UNKL: variants seen among roughly 807,000 people sequenced by gnomAD.
UNKL encodes putative E3 ubiquitin-protein ligase UNKL.
UNKL carries 60 observed loss-of-function variants against 78.0 expected under a neutral mutation model. The observed-to-expected ratio is 0.77, with a 90% CI of 0.63 to 0.95. UNKL has a LOEUF of 0.95. Ranked by LOEUF, UNKL falls within the 40% of genes least tolerant of loss-of-function variation. UNKL has a pLI of 0.00. For synonymous variants in UNKL, 608 were observed against 474.8 expected (o/e 1.28, Z -3.65); for missense variants, 1,159 against 1,045.7 (o/e 1.11, Z -1.49).
chr16:1,385,365 T>A lies in UNKL; in HGVS notation c.1107A>T (p.Ala369=). ...CGCTGGGGGCCGGCGGGTGGACCGCTGCAAACACGGCCAGGTGGTTCTGTT... is the reference window on the plus strand; with the variant it reads ...CGCTGGGGGCCGGCGGGTGGACCGCAGCAAACACGGCCAGGTGGTTCTGTT... The part of the protein sequence containing the change: ...DSKQNHLAVF[A]AVHPPAPSVS... The change falls in exon 10 of 15, where the codon GCA becomes GCT. Residue 369 remains alanine (A), a synonymous_variant. Transcript: ENST00000389221. 7.1e-7 allele frequency: 1 copy of A among 1,408,440 alleles called. No individual in the cohort carries two copies. The highest frequency in any genetic ancestry group is 9.2e-7 in the Non-Finnish European group (1 of 1,084,104). The allele number at this position is 1,408,440 out of a possible 1,614,324, so 87.2% of individuals were successfully genotyped here.
At chr16:1,404,355 C>T (rs1485020585) in intron 2 of UNKL, among the ~76,000 whole-genome samples, 7 of 152,234 alleles carry the variant, frequency 4.6e-5, no homozygotes, top group Admixed American at 4.6e-4. Context: ...GAGCTCCAGC[C>T]AGGGATGGCT....
Position 1,413,956 on chromosome 16 carries a change from G to A in UNKL, c.177C>T (p.Asn59=), listed in dbSNP as rs2038164804. The change falls in exon 2 of 15, where the codon AAC becomes AAT. Residue 59 remains asparagine, a synonymous_variant. Transcript: ENST00000389221. ...PFTCFHWHFL[N]QRRRRPLRRR... is the part of the protein sequence containing the mutation. The stretch of plus-strand genomic sequence containing the variant: ...TGCGGAGGGGCCTGCGGCGCCGCTG[G>A]TTGAGGAAGTGCCAGTGGAAGCAGG... 1.3e-6 allele frequency: 2 copies of A among 1,552,694 alleles called. No homozygotes were observed. Among genetic ancestry groups the A allele is most frequent in the South Asian group, 1.2e-5 (1 of 84,252 alleles).
chr16:1,367,300 C>G lies in UNKL; in HGVS notation c.1838G>C (p.Arg613Pro). 1 of 1,556,720 alleles carries G rather than the reference C, an allele frequency of 6.4e-7. No homozygotes were observed. The highest frequency in any genetic ancestry group is 8.7e-7 in the Non-Finnish European group (1 of 1,155,356). The change falls in exon 14 of 15, where the codon CGT becomes CCT. Residue 613 changes from arginine to proline, a missense_variant. Coordinates refer to ENST00000389221, the MANE Select transcript of UNKL (RefSeq NM_001372107.1). The stretch of plus-strand genomic sequence containing the variant: ...CAGCTGCCGGTCGCTATCGGCCACA[C>G]GGGCACGCTCCTTGGCCTCCTGCGC... ...REAQEAKERA[R>P]VADSDRQLAL...
intron 10 of UNKL, among the ~76,000 whole-genome samples, chr16:1,374,482 C>T (rs946775002): frequency 8.5e-5 from 13 of 152,260 alleles, no homozygotes; most frequent in East Asian, 1.9e-4. Flanking sequence ...CCCAGGCAAC[C>T]GCACCCCGGG....
At chr16:1,374,521 C>T (rs994547624) in intron 10 of UNKL, among the ~76,000 whole-genome samples, 13 of 152,264 alleles carry the variant, frequency 8.5e-5, no homozygotes, top group Admixed American at 2.0e-4. Flanking sequence ...CCGTGGGGGT[C>T]GGCGCGCCGG....
At chr16:1,405,284 AAAGG>A (rs1040698191) in intron 2 of UNKL, among the ~76,000 whole-genome samples, 9 of 146,458 alleles carry the variant, frequency 6.1e-5, no homozygotes, top group African/African-American at 2.4e-4. Context: ...AGGGAGGGAG[AAAGG>A]AAGGAAGGCA....
intron 2 of UNKL, chr16:1,405,965 T>C (rs1463384265): frequency 4.4e-6 from 2 of 456,702 alleles, no homozygotes; most frequent in East Asian, 7.0e-5. Context: ...GCGAGCCACA[T>C]GCATCAAAAT....
intron 9 of UNKL, among the ~76,000 whole-genome samples, chr16:1,388,554 C>A (rs910194209): frequency 1.3e-5 from 2 of 152,148 alleles, no homozygotes; most frequent in Non-Finnish European, 2.9e-5. Flanking sequence ...GATGCGCACA[C>A]TGTGACTTCA....
chr16:1,414,486 G>GC (rs1367512320), intron 1 of UNKL, 129 bp downstream of exon 1: 11 of 189,206 alleles, frequency 5.8e-5, no homozygotes, highest in Admixed American at 2.6e-4. Flanking sequence ...GAGGGTCGTG[G>GC]CCCCCCCAGC....
At chr16:1,396,358 G>A (rs182531843) in intron 6 of UNKL, among the ~76,000 whole-genome samples, 27 of 149,946 alleles carry the variant, frequency 1.8e-4, no homozygotes, top group African/African-American at 3.4e-4. Flanking sequence ...GGGTTCAAGC[G>A]ATCCTCACGT....
intron 2 of UNKL, among the ~76,000 whole-genome samples, chr16:1,409,484 CA>C (rs1025042333): frequency 2.4e-4 from 36 of 152,260 alleles, no homozygotes; most frequent in African/African-American, 8.4e-4. Flanking sequence ...ACGCTACAAA[CA>C]AAATCTTAAA....
intron 12 of UNKL, among the ~76,000 whole-genome samples, chr16:1,369,172 C>A (rs913462187): frequency 6.9e-6 from 1 of 144,166 alleles, no homozygotes; most frequent in Non-Finnish European, 1.5e-5. Context: ...CGGGTTCAAG[C>A]GATTCTCCTG....
chr16:1,366,978 C>A, intron 14 of UNKL, 114 bp downstream of exon 14: 1 of 1,428,944 alleles, frequency 7.0e-7, no homozygotes, highest in Non-Finnish European at 9.1e-7. Flanking sequence ...AGGCCCGGAG[C>A]AGACCCTGGG....
At position 1,399,086 on chromosome 16, in the gene UNKL, TG is replaced by T; in HGVS notation, c.734+287del. 1 of 1,298,056 alleles carries T rather than the reference TG, an allele frequency of 7.7e-7. No individual in the cohort carries two copies. Among genetic ancestry groups the T allele is most frequent in the Non-Finnish European group, 1.0e-6 (1 of 974,938 alleles). The allele number at this position is 1,298,056 out of a possible 1,614,324, so 80.4% of individuals were successfully genotyped here. ...GGCACACGGGGGTCCCAGCTGGGCT[TG>T]GGGTCCCTCCTGCAGTGCTCCGTCC... On this transcript the variant is annotated intron_variant, in intron 5 of 14. Coordinates refer to ENST00000389221, the MANE Select transcript of UNKL (RefSeq NM_001372107.1). This position sits in a 1 kb window ranked among gnomAD's most constrained non-coding sequence, Gnocchi z 5.8.
chr16:1,404,368 G>T (rs1466352490), intron 2 of UNKL, among the ~76,000 whole-genome samples: 1 of 152,208 alleles, frequency 6.6e-6, no homozygotes, highest in African/African-American at 2.4e-5. Flanking sequence ...GGATGGCTGG[G>T]GACCAAGAGC....
At position 1,365,236 on chromosome 16, in the gene UNKL, A is replaced by G. The variant is rs1354327476; in HGVS notation, c.*1004T>C. ...TTGAACTCCTGACCTTAGGTGATCCACCCGCCTCCCAAAGTGCTGGGATCA... is the reference window on the plus strand; with the variant it reads ...TTGAACTCCTGACCTTAGGTGATCCGCCCGCCTCCCAAAGTGCTGGGATCA... On this transcript the variant is annotated 3_prime_UTR_variant, in exon 15 of 15. Transcript: ENST00000389221. 6.6e-6 allele frequency: 1 copy of G among 151,972 alleles called. No individual in the cohort carries two copies. The highest frequency in any genetic ancestry group is 1.9e-4 in the East Asian group (1 of 5,188). 9.4% of individuals were successfully genotyped at this position (151,972 alleles called of 1,614,324 possible).
chr16:1,407,042 G>A (rs1022087087), intron 2 of UNKL, among the ~76,000 whole-genome samples: 7 of 152,002 alleles, frequency 4.6e-5, no homozygotes, highest in Non-Finnish European at 7.4e-5. Context: ...CCAGCTACTC[G>A]GGAGGTTGAG....
In UNKL at chr16:1,399,061, G is replaced by A; in HGVS notation, c.734+313C>T. Reference sequence around the variant, plus strand: ...TGGCTGCAACCAGAGGCACGGGTGGGGCACACGGGGGTCCCAGCTGGGCTT... The same window carrying A: ...TGGCTGCAACCAGAGGCACGGGTGGAGCACACGGGGGTCCCAGCTGGGCTT... On this transcript the variant is annotated intron_variant, in intron 5 of 14. Coordinates refer to ENST00000389221, the MANE Select transcript of UNKL (RefSeq NM_001372107.1). The surrounding 1 kb of genome is among the most constrained non-coding windows in gnomAD (Gnocchi z 5.8). 7.3e-7 allele frequency: 1 copy of A among 1,377,020 alleles called. No individual in the cohort carries two copies. The highest frequency in any genetic ancestry group is 9.6e-7 in the Non-Finnish European group (1 of 1,045,082). The allele number at this position is 1,377,020 out of a possible 1,614,324, so 85.3% of individuals were successfully genotyped here.
chr16:1,367,107 C>T lies in UNKL; in HGVS notation c.2031G>A (p.Leu677=), dbSNP rs1194758633. The change falls in exon 14 of 15, where the codon CTG becomes CTA. Residue 677 remains leucine, a synonymous_variant. Coordinates refer to ENST00000389221, the MANE Select transcript of UNKL (RefSeq NM_001372107.1). ...CAGGACTCACGCCGTCCACCGCCTC[C>T]AGGTCCAGGCGCAGCTGACTCTGCA... ...HSLQSQLRLD[L]EAVDGVIFQL... 1.3e-6 allele frequency: 2 copies of T among 1,576,786 alleles called. No individual in the cohort carries two copies. Among genetic ancestry groups the T allele is most frequent in the South Asian group, 1.2e-5 (1 of 86,086 alleles).
Sources: gnomAD v4.1 joint callset for allele counts (sites outside exome capture counted in the v4.1 genomes callset) on GRCh38, gnomAD v4.1.1 for gene constraint, Gnocchi (gnomAD v3.1) non-coding constraint, MANE v1.5 for transcripts, NCBI Gene and HGNC (gene_info 2026-07-23, HGNC 2026-07-21) for gene names.